Variants in AATF observed in about 807,000 individuals in gnomAD.
The protein encoded by AATF is apoptosis antagonizing transcription factor.
AATF carries 48 observed loss-of-function variants against 63.7 expected under a neutral mutation model. That is an observed-to-expected ratio of 0.75 (90% CI 0.60 to 0.96). The LOEUF (loss-of-function observed/expected upper bound fraction) is 0.96. Among genes scored for constraint, AATF ranks in the 40% least tolerant of loss-of-function variants. The pLI is 0.00. For missense variants in AATF, 639 were observed against 685.7 expected (o/e 0.93, Z 0.76); for synonymous variants, 258 against 247.7 (o/e 1.04, Z -0.39).
chr17:36,952,548 A>C (rs10908286), intron 2 of AATF, among the ~76,000 whole-genome samples: 35,911 of 152,166 alleles, frequency 0.24, 9,383 homozygotes, highest in African/African-American at 0.65. Flanking sequence ...TTCCTTAGAG[A>C]TTAGCTTAAA....
intron 8 of AATF, among the ~76,000 whole-genome samples, chr17:37,015,736 G>C (rs192121528): frequency 1.3e-5 from 2 of 152,256 alleles, no homozygotes; most frequent in African/African-American, 4.8e-5. Context: ...TCCAGAAAAG[G>C]CTCCTCTGCT....
chr17:37,049,838 TGATA>T (rs1370700460), intron 11 of AATF, among the ~76,000 whole-genome samples: 1 of 152,156 alleles, frequency 6.6e-6, no homozygotes, highest in Non-Finnish European at 1.5e-5. Context: ...CTGGGCATAC[TGATA>T]GATAGAACAG....
chr17:36,983,587 G>T (rs1221334583), intron 4 of AATF, among the ~76,000 whole-genome samples: 1 of 151,910 alleles, frequency 6.6e-6, no homozygotes, highest in African/African-American at 2.4e-5. Context: ...CTGACCTCAA[G>T]TGATTTGCCG....
At chr17:36,969,064 G>A (rs761296704) in intron 4 of AATF, among the ~76,000 whole-genome samples, 16 of 151,962 alleles carry the variant, frequency 1.1e-4, no homozygotes, top group Non-Finnish European at 2.1e-4. Context: ...GATCCTCTGC[G>A]GTCTCTGTTG....
chr17:37,016,880 G>A (rs962366937), intron 8 of AATF, among the ~76,000 whole-genome samples: 4 of 152,118 alleles, frequency 2.6e-5, no homozygotes, highest in African/African-American at 9.7e-5. Context: ...AGAATCTTCT[G>A]AAATATTGGA....
rs565434034 is a variant in AATF at position 37,003,509 on chromosome 17, C to T, written c.1398+12652C>T. Among the ~76,000 whole-genome samples the T allele has an allele frequency of 2.9e-3, 361 of 124,608 alleles. 2 individuals carry two copies. Among genetic ancestry groups the T allele is most frequent in the African/African-American group, 0.012 (351 of 29,940 alleles). 81.7% of individuals were successfully genotyped at this position (124,608 alleles called of 152,430 possible). A position where few individuals can be genotyped will look rare whatever the true frequency, so the allele number is the denominator to read the frequency against. ...TTTTTTTTTTTTTGAGACAGGGTCTCATGTCACCAGGGCTGGAGTGCAGTG... is the reference window on the plus strand; with the variant it reads ...TTTTTTTTTTTTTGAGACAGGGTCTTATGTCACCAGGGCTGGAGTGCAGTG... On this transcript the variant is annotated intron_variant, in intron 8 of 11. Transcript: ENST00000619387.
At chr17:36,963,389 G>A (rs1349500988) in intron 4 of AATF, among the ~76,000 whole-genome samples, 3 of 152,156 alleles carry the variant, frequency 2.0e-5, no homozygotes, top group Non-Finnish European at 2.9e-5. Context: ...AGTGCTGTAT[G>A]GGCTAATGTT....
At position 36,982,458 on chromosome 17, in the gene AATF, A is replaced by G. The variant is rs2071134060; in HGVS notation, c.833-4159A>G. ...AACCTCCCCGTCCCGGGTTCAGGAA[A>G]TCCTTCCACCTCAGCTGCCCGAGCA... On this transcript the variant is annotated intron_variant, in intron 4 of 11. Transcript: ENST00000619387. Among the ~76,000 whole-genome samples the G allele has an allele frequency of 3.3e-5, 5 of 152,140 alleles. 1 individual carries two copies. The South Asian group carries it at 1.0e-3, about 32-fold the overall frequency.
At chr17:37,022,425 A>C (rs1427196588) in intron 10 of AATF, among the ~76,000 whole-genome samples, 4 of 152,198 alleles carry the variant, frequency 2.6e-5, no homozygotes, top group Non-Finnish European at 5.9e-5. Flanking sequence ...ATTTTTCTTT[A>C]ACTTTGCAGA....
At chr17:36,992,451 G>A (rs753091909) in intron 8 of AATF, among the ~76,000 whole-genome samples, 2 of 152,122 alleles carry the variant, frequency 1.3e-5, no homozygotes, top group Non-Finnish European at 2.9e-5. Context: ...TATTAATGCT[G>A]TATAATTGTG....
chr17:36,964,150 G>T (rs1205243606), intron 4 of AATF, among the ~76,000 whole-genome samples: 1 of 150,974 alleles, frequency 6.6e-6, no homozygotes, highest in Non-Finnish European at 1.5e-5. Context: ...GAAGGATGTG[G>T]TCAAAAGAGG....
chr17:37,035,357 T>C (rs1312814912), intron 11 of AATF, among the ~76,000 whole-genome samples: 1 of 150,720 alleles, frequency 6.6e-6, no homozygotes, highest in Non-Finnish European at 1.5e-5. Flanking sequence ...TAGCTGGGAC[T>C]ACAGGCGTGC....
intron 4 of AATF, 130 bp downstream of exon 4, chr17:36,954,037 T>C (rs2142203092): frequency 3.8e-5 from 21 of 555,462 alleles, no homozygotes; most frequent in East Asian, 5.1e-5. Context: ...TGCTCTCCCC[T>C]CCCCATCCCC....
chr17:36,976,359 G>T (rs757976091), intron 4 of AATF, among the ~76,000 whole-genome samples: 14 of 152,150 alleles, frequency 9.2e-5, no homozygotes, highest in Non-Finnish European at 1.9e-4. Context: ...TACATATAAA[G>T]TGCTTAGGCG....
intron 4 of AATF, among the ~76,000 whole-genome samples, chr17:36,983,128 A>G (rs1309985540): frequency 6.6e-6 from 1 of 152,012 alleles, no homozygotes; most frequent in Non-Finnish European, 1.5e-5. Flanking sequence ...TGCAGCCTCA[A>G]CCACCTAGGC....
chr17:37,039,095 C>A lies in AATF; in HGVS notation c.1619+7410C>A, dbSNP rs1174854446. On this transcript the variant is annotated intron_variant, in intron 11 of 11. Transcript: ENST00000619387. Reference sequence around the variant, plus strand: ...GTTGGTAACCCAGAAGATAGTTAAACCATTTCTTGCTCCCCCCTACCTATA... The same window carrying A: ...GTTGGTAACCCAGAAGATAGTTAAAACATTTCTTGCTCCCCCCTACCTATA... Among the ~76,000 whole-genome samples, 3 of 152,154 alleles carry A rather than the reference C, an allele frequency of 2.0e-5. No individual in the cohort carries two copies. The East Asian group carries it at 5.8e-4, about 29-fold the overall frequency.
chr17:36,959,070 G>A (rs185726049), intron 4 of AATF, among the ~76,000 whole-genome samples: 64 of 152,142 alleles, frequency 4.2e-4, no homozygotes, highest in Non-Finnish European at 6.0e-4. Flanking sequence ...TCTTAAACTC[G>A]GGAGGTGGAG....
At chr17:37,049,917 G>A (rs958627496) in intron 11 of AATF, among the ~76,000 whole-genome samples, 3 of 152,170 alleles carry the variant, frequency 2.0e-5, no homozygotes, top group African/African-American at 7.2e-5. Flanking sequence ...GAGAGATGGA[G>A]TCCTGCTCCA....
intron 4 of AATF, among the ~76,000 whole-genome samples, chr17:36,973,655 G>T (rs931138696): frequency 6.6e-6 from 1 of 152,168 alleles, no homozygotes; most frequent in African/African-American, 2.4e-5. Context: ...CTTTCAGGGG[G>T]TCAGCTGATC....
Sources: gnomAD v4.1 joint callset for allele counts (sites outside exome capture counted in the v4.1 genomes callset) on GRCh38, gnomAD v4.1.1 for gene constraint, MANE v1.5 for transcripts, NCBI Gene and HGNC (gene_info 2026-07-23, HGNC 2026-07-21) for gene names.